COL13A1: variants seen among roughly 807,000 people sequenced by gnomAD.
The protein encoded by COL13A1 is collagen type XIII alpha 1 chain.
Under a neutral mutation model 130.9 loss-of-function variants are expected in COL13A1, and 89 were observed. The ratio of observed to expected loss-of-function variants is 0.68; its 90% CI spans 0.57 to 0.81. The LOEUF (loss-of-function observed/expected upper bound fraction) is 0.81, where lower values mean the gene tolerates loss of function less well. COL13A1 is among the 30% of genes least tolerant of loss of function. COL13A1 has a pLI of 0.00. For synonymous variants in COL13A1, 402 were observed against 341.6 expected, an observed-to-expected ratio of 1.18 and a Z score of -1.95; for missense variants, 879 against 934.6, an observed-to-expected ratio of 0.94 and a Z score of 0.78.
At chr10:69,887,127 C>T (rs184551941) in intron 7 of COL13A1, among the ~76,000 whole-genome samples, 11 of 152,332 alleles carry the variant, frequency 7.2e-5, no homozygotes, top group Non-Finnish European at 2.9e-5. Context: ...GCTGAGTCTC[C>T]GCTGGCCCCA....
chr10:69,910,903 G>A (rs1464712923), intron 17 of COL13A1, among the ~76,000 whole-genome samples: 2 of 152,204 alleles, frequency 1.3e-5, no homozygotes, highest in African/African-American at 4.8e-5. Flanking sequence ...GTGGTGGCCT[G>A]GATGTTAAGC....
At chr10:69,810,489 C>T (rs1842774693) in intron 1 of COL13A1, among the ~76,000 whole-genome samples, 1 of 152,150 alleles carries the variant, frequency 6.6e-6, no homozygotes, top group African/African-American at 2.4e-5. Context: ...AGTGATGAAG[C>T]TCACGGTGAG....
chr10:69,818,252 C>T (rs1845112153), intron 1 of COL13A1, among the ~76,000 whole-genome samples: 1 of 152,204 alleles, frequency 6.6e-6, no homozygotes, highest in African/African-American at 2.4e-5. Flanking sequence ...TTCCTTCTTC[C>T]TCCCACATCT....
At chr10:69,884,515 CTG>C (rs2060436789) in intron 7 of COL13A1, among the ~76,000 whole-genome samples, 1 of 152,140 alleles carries the variant, frequency 6.6e-6, no homozygotes, top group South Asian at 2.1e-4. Context: ...AATCTTCTGT[CTG>C]TGTATTTGCA....
At chr10:69,940,579 G>A (rs1418018498) in intron 34 of COL13A1, among the ~76,000 whole-genome samples, 1 of 152,162 alleles carries the variant, frequency 6.6e-6, no homozygotes, top group Non-Finnish European at 1.5e-5. Context: ...CCCCTCCCCA[G>A]TGAAACCTGT....
rs60386452 is a variant in COL13A1, at chr10:69,956,548, G to C, written c.2146-456G>C. Reference sequence around the variant, plus strand: ...TACATGTCCTCCTCCCTGTGCTTAGGAAGAGAGACAAATAAGAGAATGAGA... The same window carrying C: ...TACATGTCCTCCTCCCTGTGCTTAGCAAGAGAGACAAATAAGAGAATGAGA... On this transcript the variant is annotated intron_variant, in intron 39 of 40. Transcript: ENST00000645393. 1.2e-3 allele frequency: 206 copies of C among 176,886 alleles called. 2 individuals carry two copies. Among genetic ancestry groups the C allele is most frequent in the African/African-American group, 4.7e-3 (202 of 43,266 alleles). 11.0% of individuals were successfully genotyped at this position (176,886 alleles called of 1,614,324 possible).
At chr10:69,866,219 T>C (rs2058499635) in intron 2 of COL13A1, among the ~76,000 whole-genome samples, 1 of 152,204 alleles carries the variant, frequency 6.6e-6, no homozygotes. Flanking sequence ...CCGAGAGTGC[T>C]AACAACAGGC....
intron 1 of COL13A1, among the ~76,000 whole-genome samples, chr10:69,813,554 C>G (rs1356148852): frequency 6.6e-6 from 1 of 152,154 alleles, no homozygotes; most frequent in Admixed American, 6.5e-5. Context: ...CCCTGGGAGT[C>G]TGTGATCAGG....
intron 1 of COL13A1, among the ~76,000 whole-genome samples, chr10:69,808,835 C>T (rs750891751): frequency 6.6e-6 from 1 of 152,210 alleles, no homozygotes; most frequent in African/African-American, 2.4e-5. Context: ...CTCCTCGCAG[C>T]GTCCCCGGCC....
At chr10:69,879,946 C>T (rs961100635) in intron 6 of COL13A1, among the ~76,000 whole-genome samples, 3 of 152,254 alleles carry the variant, frequency 2.0e-5, no homozygotes, top group South Asian at 4.2e-4. Flanking sequence ...GCATGTTGCT[C>T]GTGTCCCCCT....
Position 69,842,862 on chromosome 10 carries a change from G to A in COL13A1, c.364+20424G>A, listed in dbSNP as rs112898399. Reference sequence around the variant, plus strand: ...GTTCCGCTGTGTGAGGGTTTCAGACGGGGTCCCGGCAGTGACCCAGCAGCA... The same window carrying A: ...GTTCCGCTGTGTGAGGGTTTCAGACAGGGTCCCGGCAGTGACCCAGCAGCA... On this transcript the variant is annotated intron_variant, in intron 2 of 40. Coordinates refer to ENST00000645393, the MANE Select transcript of COL13A1 (RefSeq NM_001368882.1). 3.8e-3 allele frequency among the ~76,000 whole-genome samples: 572 copies of A among 152,312 alleles called. 1 individual carries two copies. Among genetic ancestry groups the A allele is most frequent in the African/African-American group, 0.012 (513 of 41,570 alleles).
Position 69,905,770 on chromosome 10 carries a change from T to C in COL13A1, c.886-17T>C. The C allele has an allele frequency of 1.2e-6, 2 of 1,613,046 alleles. No individual in the cohort carries two copies. The highest frequency in any genetic ancestry group is 1.7e-6 in the Non-Finnish European group (2 of 1,179,604). On this transcript the variant is annotated splice_polypyrimidine_tract_variant and intron_variant, in intron 16 of 40. Coordinates refer to ENST00000645393, the MANE Select transcript of COL13A1 (RefSeq NM_001368882.1). The stretch of plus-strand genomic sequence containing the variant: ...AGTGGGAAAACCTCTTTAATGGCCT[T>C]CTCTTTGTTTTCCCAGGGAGACCCA...
At chr10:69,895,211 A>G (rs2061523456) in intron 12 of COL13A1, among the ~76,000 whole-genome samples, 1 of 152,142 alleles carries the variant, frequency 6.6e-6, no homozygotes. Context: ...GCTCCTGTTC[A>G]GGGCTGTCTG....
chr10:69,931,028 A>G (rs2066048127), intron 30 of COL13A1: 1 of 355,796 alleles, frequency 2.8e-6, no homozygotes, highest in Admixed American at 3.2e-5. Flanking sequence ...AGGGGTTTCC[A>G]TCTGTGAAAT....
intron 1 of COL13A1, among the ~76,000 whole-genome samples, chr10:69,809,357 G>A (rs956606433): frequency 6.6e-6 from 1 of 152,226 alleles, no homozygotes; most frequent in Admixed American, 6.5e-5. Context: ...TATTTATTGA[G>A]TTTACGCTGT....
intron 7 of COL13A1, among the ~76,000 whole-genome samples, chr10:69,881,560 G>A (rs1446630574): frequency 1.3e-5 from 2 of 152,174 alleles, no homozygotes; most frequent in African/African-American, 4.8e-5. Context: ...GGCGAGTGCA[G>A]GGAGCTGAAA....
intron 25 of COL13A1, 70 bp downstream of exon 25, chr10:69,925,077 T>C: frequency 7.1e-7 from 1 of 1,406,434 alleles, no homozygotes; most frequent in Non-Finnish European, 9.4e-7. Context: ...CTGAGACAGG[T>C]CTCAATTAAT....
intron 3 of COL13A1, among the ~76,000 whole-genome samples, chr10:69,870,539 A>G (rs1355360491): frequency 6.7e-6 from 1 of 149,362 alleles, no homozygotes; most frequent in South Asian, 2.1e-4. Context: ...CAGGCTGGTC[A>G]TGAACTCCTG....
At chr10:69,859,501 T>C (rs1054527307) in intron 2 of COL13A1, among the ~76,000 whole-genome samples, 1 of 152,198 alleles carries the variant, frequency 6.6e-6, no homozygotes, top group Non-Finnish European at 1.5e-5. Flanking sequence ...AGCAGAGCCA[T>C]GATGTGACGT....
Sources: allele counts gnomAD v4.1 joint callset (sites outside exome capture counted in the v4.1 genomes callset), GRCh38; gene constraint gnomAD v4.1.1; transcripts MANE v1.5; gene names NCBI Gene and HGNC (gene_info 2026-07-23, HGNC 2026-07-21).